Variants in ASAP2 observed in about 807,000 individuals in gnomAD.
ASAP2 encodes the protein ArfGAP with SH3 domain, ankyrin repeat and PH domain 2.
In ASAP2, 45 loss-of-function variants were observed where a neutral mutation model predicts 131.4. The observed-to-expected ratio is 0.34, with a 90% CI of 0.27 to 0.44. ASAP2 has a LOEUF of 0.44. ASAP2 is among the 20% of genes least tolerant of loss of function. The pLI is 1.00. For synonymous variants in ASAP2, 510 were observed against 503.0 expected, an observed-to-expected ratio of 1.01 and a Z score of -0.19; for missense variants, 1,011 against 1,297.0, an observed-to-expected ratio of 0.78 and a Z score of 3.39.
chr2:9,375,680 C>T (rs750992065), intron 17 of ASAP2, among the ~76,000 whole-genome samples: 10 of 152,208 alleles, frequency 6.6e-5, no homozygotes, highest in Admixed American at 2.0e-4. Flanking sequence ...GTGGTTTATT[C>T]TTACACCAAA....
intron 7 of ASAP2, among the ~76,000 whole-genome samples, chr2:9,334,392 GT>G (rs1478923514): frequency 6.6e-6 from 1 of 151,996 alleles, no homozygotes; most frequent in Non-Finnish European, 1.5e-5. Context: ...GCGGTCGCCT[GT>G]TGCGGCACAT....
At chr2:9,214,135 G>A (rs13431740) in intron 1 of ASAP2, among the ~76,000 whole-genome samples, 29,508 of 152,206 alleles carry the variant, frequency 0.19, 3,034 homozygotes, top group Middle Eastern at 0.23. Flanking sequence ...GAGAGGTGAC[G>A]TTCCGTGATA....
chr2:9,276,879 C>T (rs762334256), intron 1 of ASAP2, among the ~76,000 whole-genome samples: 6 of 152,180 alleles, frequency 3.9e-5, no homozygotes, highest in Non-Finnish European at 8.8e-5. Context: ...TCCCTTTACA[C>T]TTGCTGGCCC....
Position 9,378,976 on chromosome 2 carries a change from GC to G in ASAP2, c.1866del (p.Ser622ArgfsTer9). 1 of 1,529,498 alleles carries G rather than the reference GC, an allele frequency of 6.5e-7. No homozygotes were observed. Among genetic ancestry groups the G allele is most frequent in the African/African-American group, 1.4e-5 (1 of 71,266 alleles). The allele number at this position is 1,529,498 out of a possible 1,614,324, so 94.7% of individuals were successfully genotyped here. A position where few individuals can be genotyped will look rare whatever the true frequency, so the allele number is the denominator to read the frequency against. Reference protein sequence around the residue: ...GNLDKQTGKGSTALHYCCLTD... With the variant: ...GNLDKQTGKGXTALHYCCLTD... Reference sequence around the variant, plus strand: ...CTGGATAAACAGACAGGGAAAGGCAGCACAGCCCTGCACTACTGCTGCCTGA... The same window carrying G: ...CTGGATAAACAGACAGGGAAAGGCAGACAGCCCTGCACTACTGCTGCCTGA... On this transcript the variant is annotated frameshift_variant, in exon 19 of 28. Transcript: ENST00000281419. LOFTEE classifies it high-confidence loss of function.
intron 12 of ASAP2, among the ~76,000 whole-genome samples, chr2:9,354,825 C>T (rs955037509): frequency 6.6e-6 from 1 of 152,160 alleles, no homozygotes; most frequent in Non-Finnish European, 1.5e-5. Flanking sequence ...AACGTGCTTT[C>T]AGGAGTAAAC....
At chr2:9,282,198 G>T (rs1343381244) in intron 2 of ASAP2, among the ~76,000 whole-genome samples, 3 of 152,080 alleles carry the variant, frequency 2.0e-5, no homozygotes, top group African/African-American at 7.2e-5. Flanking sequence ...ACCTTGGAGG[G>T]GGTCTCCTAT....
At chr2:9,399,305 A>G (rs1676430551) in intron 24 of ASAP2, 2 of 152,272 alleles carry the variant, frequency 1.3e-5, no homozygotes, top group Non-Finnish European at 2.9e-5. Context: ...TGCTAGGTCC[A>G]GGAGATCCAC....
chr2:9,257,293 A>AGG (rs144820582), intron 1 of ASAP2, among the ~76,000 whole-genome samples: 5 of 151,994 alleles, frequency 3.3e-5, no homozygotes, highest in South Asian at 2.1e-4. Context: ...GTCTGAAAGC[A>AGG]GGGACTGTTT....
intron 14 of ASAP2, among the ~76,000 whole-genome samples, chr2:9,356,841 T>C (rs1042308296): frequency 1.3e-5 from 2 of 152,202 alleles, no homozygotes; most frequent in African/African-American, 4.8e-5. Flanking sequence ...CAGGACCCTT[T>C]CAGCTGACAC....
chr2:9,231,805 A>G (rs1663185553), intron 1 of ASAP2, among the ~76,000 whole-genome samples: 1 of 152,098 alleles, frequency 6.6e-6, no homozygotes, highest in South Asian at 2.1e-4. Context: ...TTGAGGTTTT[A>G]GCTCTGTCAC....
chr2:9,284,212 G>A (rs932548481), intron 2 of ASAP2, among the ~76,000 whole-genome samples: 7 of 152,360 alleles, frequency 4.6e-5, no homozygotes, highest in South Asian at 4.1e-4. Flanking sequence ...TGGAGGAGAC[G>A]TTATTCTGTC....
In ASAP2 at chr2:9,233,633, T is replaced by C. The variant is rs553070567; in HGVS notation, c.126+26403T>C. ...AGCCAGCTGGACCTGGACTCAGATA[T>C]AGGTTTTGCTAATTGATACCTGTGT... On this transcript the variant is annotated intron_variant, in intron 1 of 27. Transcript: ENST00000281419. Among the ~76,000 whole-genome samples the C allele has an allele frequency of 1.7e-3, 252 of 152,354 alleles. 2 individuals are homozygous for C. Among genetic ancestry groups the C allele is most frequent in the African/African-American group, 5.7e-3 (237 of 41,584 alleles).
chr2:9,358,612 T>C lies in ASAP2; in HGVS notation c.1328-144T>C, dbSNP rs192900905. The C allele has an allele frequency of 4.6e-3, 4,826 of 1,043,212 alleles. 25 individuals carry two copies. The highest frequency in any genetic ancestry group is 0.013 in the South Asian group (740 of 58,122). The allele number at this position is 1,043,212 out of a possible 1,614,324, so 64.6% of individuals were successfully genotyped here. On this transcript the variant is annotated intron_variant, in intron 14 of 27. Coordinates refer to ENST00000281419, the MANE Select transcript of ASAP2 (RefSeq NM_003887.3). ...GTATTGCATGTAAATTGGTGGTAATTATGGACAAAGTTTCCAGCTGTGTTA... is the reference window on the plus strand; with the variant it reads ...GTATTGCATGTAAATTGGTGGTAATCATGGACAAAGTTTCCAGCTGTGTTA...
intron 3 of ASAP2, among the ~76,000 whole-genome samples, chr2:9,304,422 T>G (rs905206368): frequency 1.3e-5 from 2 of 149,900 alleles, no homozygotes; most frequent in African/African-American, 4.9e-5. Context: ...GTGGAATGGC[T>G]CTAGTGGGGA....
At chr2:9,329,294 A>G (rs1174060532) in intron 7 of ASAP2, among the ~76,000 whole-genome samples, 1 of 152,184 alleles carries the variant, frequency 6.6e-6, no homozygotes, top group East Asian at 1.9e-4. Flanking sequence ...TTTATCCCAA[A>G]TATGTTGGGA....
At chr2:9,378,270 G>C (rs763231081) in intron 18 of ASAP2, among the ~76,000 whole-genome samples, 10 of 152,170 alleles carry the variant, frequency 6.6e-5, no homozygotes, top group Non-Finnish European at 1.2e-4. Context: ...GGCCATGTTT[G>C]CTAGGATTGA....
chr2:9,252,789 G>A (rs1333020247), intron 1 of ASAP2, among the ~76,000 whole-genome samples: 8 of 150,998 alleles, frequency 5.3e-5, no homozygotes, highest in African/African-American at 7.3e-5. Context: ...GGTGGCGGGC[G>A]CCTGTAATCC....
chr2:9,209,805 G>A (rs1661403659), intron 1 of ASAP2, among the ~76,000 whole-genome samples: 1 of 152,214 alleles, frequency 6.6e-6, no homozygotes. Context: ...CTGACCTCAG[G>A]TGATCCACCT....
intron 3 of ASAP2, among the ~76,000 whole-genome samples, chr2:9,299,641 G>T (rs995271130): frequency 2.6e-5 from 4 of 152,188 alleles, no homozygotes; most frequent in Non-Finnish European, 5.9e-5. Context: ...CCAAGCAGGG[G>T]GCCTAGAAAG....
Sources: allele counts gnomAD v4.1 joint callset (sites outside exome capture counted in the v4.1 genomes callset), GRCh38; gene constraint gnomAD v4.1.1; transcripts MANE v1.5; gene names NCBI Gene and HGNC (gene_info 2026-07-23, HGNC 2026-07-21).